PRKCE: variants seen among roughly 807,000 people sequenced by gnomAD.
The protein encoded by PRKCE is protein kinase C epsilon type.
In PRKCE, 16 loss-of-function variants were observed where a neutral mutation model predicts 85.4. That is an observed-to-expected ratio of 0.19 (90% CI 0.13 to 0.28). PRKCE has a LOEUF of 0.28. Among genes scored for constraint, PRKCE ranks in the 10% least tolerant of loss-of-function variants. PRKCE has a pLI of 1.00. For missense variants in PRKCE, 573 were observed against 975.2 expected (o/e 0.59, Z 5.49); for synonymous variants, 388 against 371.5 (o/e 1.04, Z -0.51).
Position 45,661,523 on chromosome 2 carries a change from G to GTTTTTTTTTTTTTTT in PRKCE, c.348+9081_348+9082insTTTTTTTTTTTTTTT, listed in dbSNP as rs367628974. ...TTTTTTTTGTTTTGTTTTGTTTTTT[G>GTTTTTTTTTTTTTTT]TTTTTTGTTTTTTTTTTTTTTTTTA... is the stretch of plus-strand genomic sequence containing the variant. On this transcript the variant is annotated intron_variant, in intron 1 of 14. Transcript: ENST00000306156. Among the ~76,000 whole-genome samples the GTTTTTTTTTTTTTTT allele has an allele frequency of 1.3e-4, 13 of 96,654 alleles. 1 individual carries two copies. Among genetic ancestry groups the GTTTTTTTTTTTTTTT allele is most frequent in the African/African-American group, 3.1e-4 (8 of 25,818 alleles). 63.4% of individuals were successfully genotyped at this position (96,654 alleles called of 152,430 possible).
At chr2:45,801,282 T>C (rs567629002) in intron 1 of PRKCE, among the ~76,000 whole-genome samples, 225 of 152,132 alleles carry the variant, frequency 1.5e-3, no homozygotes, top group African/African-American at 5.1e-3. Flanking sequence ...TAGGAAGACA[T>C]TTGGTATTTT....
intron 10 of PRKCE, among the ~76,000 whole-genome samples, chr2:46,033,824 G>A (rs1049571510): frequency 6.6e-6 from 1 of 152,152 alleles, no homozygotes; most frequent in African/African-American, 2.4e-5. Flanking sequence ...CATGGGAGGT[G>A]GCATTTCACC....
At chr2:46,035,036 A>T (rs1707772133) in intron 10 of PRKCE, among the ~76,000 whole-genome samples, 1 of 152,200 alleles carries the variant, frequency 6.6e-6, no homozygotes. Context: ...GCAGCCTGTG[A>T]CCACATGGGT....
chr2:46,128,851 G>C (rs1674127523), intron 11 of PRKCE, among the ~76,000 whole-genome samples: 1 of 152,206 alleles, frequency 6.6e-6, no homozygotes, highest in African/African-American at 2.4e-5. Context: ...AGAGTGACCA[G>C]GCAGTCAGTA....
In PRKCE at chr2:46,010,484, C is replaced by A; in HGVS notation, c.1404C>A (p.Tyr468Ter). The change falls in exon 10 of 15, where the codon TAC (tyrosine) becomes TAA (stop). Residue 468 changes from tyrosine to a stop codon, truncating the protein, a stop_gained. Transcript: ENST00000306156. LOFTEE classifies it high-confidence loss of function. ...RILALARKHP[Y>*]LTQLYCCFQT... ...TGGCTCTGGCACGGAAACACCCGTA[C>A]CTTACCCAACTCTACTGCTGCTTCC... 6.3e-7 allele frequency: 1 copy of A among 1,599,690 alleles called. No homozygotes were observed. The highest frequency in any genetic ancestry group is 8.5e-7 in the Non-Finnish European group (1 of 1,179,924).
rs891940813 is a variant in PRKCE at position 45,653,420 on chromosome 2, A to C, written c.348+972A>C. 2.0e-3 allele frequency among the ~76,000 whole-genome samples: 199 copies of C among 98,416 alleles called. 1 individual carries two copies. Among genetic ancestry groups the C allele is most frequent in the Non-Finnish European group, 3.3e-3 (174 of 52,332 alleles). The allele number at this position is 98,416 out of a possible 152,430, so 64.6% of individuals were successfully genotyped here. A position where few individuals can be genotyped will look rare whatever the true frequency, so the allele number is the denominator to read the frequency against. ...TCTCTCTTCTTGGAAGGAAGGTATT[A>C]ATTTAGGATGTGGATTTTTGTGTTT... On this transcript the variant is annotated intron_variant, in intron 1 of 14. Coordinates refer to ENST00000306156, the MANE Select transcript of PRKCE (RefSeq NM_005400.3).
intron 1 of PRKCE, among the ~76,000 whole-genome samples, chr2:45,801,937 C>T (rs561269315): frequency 1.3e-5 from 2 of 152,032 alleles, no homozygotes; most frequent in African/African-American, 2.4e-5. Flanking sequence ...TAATACTTAA[C>T]ATCTAGGCTG....
chr2:45,795,348 A>G (rs1687351548), intron 1 of PRKCE, among the ~76,000 whole-genome samples: 1 of 151,914 alleles, frequency 6.6e-6, no homozygotes, highest in South Asian at 2.1e-4. Flanking sequence ...TGCTCTTGTC[A>G]CCCAGGCTGG....
At chr2:46,156,954 C>T in intron 13 of PRKCE, among the ~76,000 whole-genome samples, 1 of 152,242 alleles carries the variant, frequency 6.6e-6, no homozygotes, top group Non-Finnish European at 1.5e-5. Context: ...ACAAATATAA[C>T]TTCTTATTTC....
chr2:45,761,828 C>T (rs953397674), intron 1 of PRKCE, among the ~76,000 whole-genome samples: 1 of 152,214 alleles, frequency 6.6e-6, no homozygotes, highest in Non-Finnish European at 1.5e-5. Context: ...CCCGCTTTCT[C>T]ACCCTTCCTG....
chr2:45,840,867 T>C (rs1227813608), intron 1 of PRKCE, among the ~76,000 whole-genome samples: 1 of 152,164 alleles, frequency 6.6e-6, no homozygotes, highest in Non-Finnish European at 1.5e-5. Flanking sequence ...GTGGTGCTCA[T>C]GGTATAGCTG....
chr2:46,028,444 A>G (rs998752572), intron 10 of PRKCE, among the ~76,000 whole-genome samples: 1 of 152,154 alleles, frequency 6.6e-6, no homozygotes, highest in African/African-American at 2.4e-5. Flanking sequence ...TTCCATTTTC[A>G]CCTATAAAGT....
intron 1 of PRKCE, among the ~76,000 whole-genome samples, chr2:45,742,998 G>C (rs140122995): frequency 5.9e-5 from 9 of 152,270 alleles, no homozygotes; most frequent in African/African-American, 1.9e-4. Flanking sequence ...AGGATATTAG[G>C]CTAAATGAAA....
chr2:45,664,322 A>C (rs79637191), intron 1 of PRKCE, among the ~76,000 whole-genome samples: 2,749 of 152,312 alleles, frequency 0.018, 81 homozygotes, highest in African/African-American at 0.063. Flanking sequence ...TTGGACAAAT[A>C]ATTTAGCCTA....
At chr2:46,075,365 T>C (rs575934618) in intron 10 of PRKCE, among the ~76,000 whole-genome samples, 9 of 151,770 alleles carry the variant, frequency 5.9e-5, no homozygotes, top group Non-Finnish European at 1.2e-4. Flanking sequence ...AAATATTTCA[T>C]AGGTCCTAAA....
intron 14 of PRKCE, among the ~76,000 whole-genome samples, chr2:46,180,436 G>A (rs879912785): frequency 5.9e-5 from 9 of 152,224 alleles, no homozygotes; most frequent in Admixed American, 2.6e-4. Flanking sequence ...CCCAAAAGCC[G>A]TGATGTGCAA....
intron 1 of PRKCE, among the ~76,000 whole-genome samples, chr2:45,746,437 A>C (rs548262072): frequency 6.6e-6 from 1 of 152,358 alleles, no homozygotes; most frequent in Admixed American, 6.5e-5. Context: ...ATATATTTAC[A>C]GAATGAATGA....
intron 1 of PRKCE, among the ~76,000 whole-genome samples, chr2:45,760,845 G>A (rs542504065): frequency 6.6e-6 from 1 of 152,248 alleles, no homozygotes; most frequent in African/African-American, 2.4e-5. Context: ...GGTGCTGAGT[G>A]TCCTGGTGTC....
intron 1 of PRKCE, among the ~76,000 whole-genome samples, chr2:45,679,115 C>T (rs913521897): frequency 1.3e-5 from 2 of 152,040 alleles, no homozygotes; most frequent in Admixed American, 6.5e-5. Flanking sequence ...CTTTTGGATC[C>T]GAAGCCAGTC....
Sources: allele counts gnomAD v4.1 joint callset (sites outside exome capture counted in the v4.1 genomes callset), GRCh38; gene constraint gnomAD v4.1.1; transcripts MANE v1.5; gene names NCBI Gene and HGNC (gene_info 2026-07-23, HGNC 2026-07-21).